Variants in VSIG2 observed in about 807,000 individuals in gnomAD.
VSIG2 encodes V-set and immunoglobulin domain containing 2.
Under a neutral mutation model 29.4 loss-of-function variants are expected in VSIG2, and 30 were observed. That is an observed-to-expected ratio of 1.02 (90% CI 0.76 to 1.38). The LOEUF is 1.38. Ranked by LOEUF, VSIG2 falls within the 40% of genes most tolerant of loss-of-function variation. The pLI is 0.00. For synonymous variants in VSIG2, 178 were observed against 174.2 expected (o/e 1.02, Z -0.17); for missense variants, 421 against 400.8 (o/e 1.05, Z -0.43).
At chr11:124,751,672 G>T in intron 1 of VSIG2, 92 bp from the exon 2 acceptor site, 1 of 1,350,700 alleles carries the variant, frequency 7.4e-7, no homozygotes, top group Non-Finnish European at 9.8e-7. Flanking sequence ...GGAAGCTGGG[G>T]GCTCCCTCCC....
At chr11:124,751,954 A>C in intron 1 of VSIG2, 123 bp downstream of exon 1, 2 of 1,174,898 alleles carry the variant, frequency 1.7e-6, no homozygotes, top group Non-Finnish European at 2.3e-6. Flanking sequence ...CAGGCGCCTT[A>C]GGGCCCCTGG....
Position 124,748,742 on chromosome 11 carries a change from A to C in VSIG2, c.608T>G (p.Ile203Ser). The C allele has an allele frequency of 6.2e-7, 1 of 1,614,210 alleles. No homozygotes were observed. The highest frequency in any genetic ancestry group is 1.1e-5 in the South Asian group (1 of 91,082). ...GGAGGTCAGGGAGAGGTTGGTGAGA[A>C]TGAGCTGGCCAGACACCTCATCTAG... ...MVQDEVSGQLILTNLSLTSSG... is the reference protein window; with the variant it reads ...MVQDEVSGQLSLTNLSLTSSG... The change falls in exon 5 of 7, where the codon ATT (isoleucine) becomes AGT (serine). Residue 203 changes from isoleucine to serine, a missense_variant. Transcript: ENST00000326621.
Position 124,747,487 on chromosome 11 carries a change from C to G in VSIG2, c.*48G>C. 1 of 1,580,330 alleles carries G rather than the reference C, an allele frequency of 6.3e-7. No individual in the cohort carries two copies. Among genetic ancestry groups the G allele is most frequent in the East Asian group, 2.3e-5 (1 of 44,376 alleles). ...AAGGAGACAGTATGGTACCCACAGA[C>G]TTTAATTATTGATATTCCCCCTCAC... On this transcript the variant is annotated 3_prime_UTR_variant, in exon 7 of 7. Transcript: ENST00000326621.
chr11:124,748,055 G>A, intron 6 of VSIG2: 1 of 353,650 alleles, frequency 2.8e-6, no homozygotes, highest in Non-Finnish European at 5.1e-6. Flanking sequence ...CCATTTCCTG[G>A]CATCTACAAG....
At position 124,748,657 on chromosome 11, in the gene VSIG2, G is replaced by A. The variant is rs768327242; in HGVS notation, c.693C>T (p.Thr231=). The A allele has an allele frequency of 1.9e-6, 3 of 1,613,574 alleles. No individual in the cohort carries two copies. Among genetic ancestry groups the A allele is most frequent in the Non-Finnish European group, 2.5e-6 (3 of 1,179,672 alleles). The part of the protein sequence containing the change: ...NQMGSASCEL[T]LSVTEPSQGR... The stretch of plus-strand genomic sequence containing the variant: ...CAGCATCCCTACCGGTCACAGAGAG[G>A]GTCAGCTCACAGGATGCACTGCCCA... Residue 231 remains threonine, a synonymous_variant, in exon 5 of 7, where the codon ACC becomes ACT. Transcript: ENST00000326621.
chr11:124,748,802 C>T, intron 4 of VSIG2, 39 bp from the exon 5 acceptor site: 1 of 1,614,022 alleles, frequency 6.2e-7, no homozygotes. Flanking sequence ...ACTCATTCAA[C>T]TCAGTGAGCA....
rs1239299716 is a variant in VSIG2 at position 124,751,412 on chromosome 11, T to C, written c.219+11A>G. On this transcript the variant is annotated intron_variant, in intron 2 of 6. Coordinates refer to ENST00000326621, the MANE Select transcript of VSIG2 (RefSeq NM_014312.5). ...GGCCAACCCAGCTTCATGCAGTCGCTCTCAGCTCACTGGATGGGACTCAGA... is the reference window on the plus strand; with the variant it reads ...GGCCAACCCAGCTTCATGCAGTCGCCCTCAGCTCACTGGATGGGACTCAGA... 6.2e-7 allele frequency: 1 copy of C among 1,610,656 alleles called. No homozygotes were observed. Among genetic ancestry groups the C allele is most frequent in the Admixed American group, 1.7e-5 (1 of 60,008 alleles).
rs1944055843 is a variant in VSIG2, at chr11:124,749,612, C to G, written c.586+96G>C. ...AAAGGTATAGTGGTTTGTGTCATACCCCTAGTCATGGAACGGATAATACGG... is the reference window on the plus strand; with the variant it reads ...AAAGGTATAGTGGTTTGTGTCATACGCCTAGTCATGGAACGGATAATACGG... On this transcript the variant is annotated intron_variant, in intron 4 of 6. Coordinates refer to ENST00000326621, the MANE Select transcript of VSIG2 (RefSeq NM_014312.5). 20 of 1,493,554 alleles carry G rather than the reference C, an allele frequency of 1.3e-5. No individual in the cohort carries two copies. The Admixed American group carries it at 4.2e-4, about 31-fold the overall frequency. The allele number at this position is 1,493,554 out of a possible 1,614,324, so 92.5% of individuals were successfully genotyped here.
intron 2 of VSIG2, among the ~76,000 whole-genome samples, chr11:124,751,211 T>G (rs1443724536): frequency 1.3e-5 from 2 of 151,994 alleles, no homozygotes; most frequent in African/African-American, 2.4e-5. Context: ...ATGGATACAC[T>G]AAGGCAGGGG....
Sources: allele counts gnomAD v4.1 joint callset (sites outside exome capture counted in the v4.1 genomes callset), GRCh38; gene constraint gnomAD v4.1.1; transcripts MANE v1.5; gene names NCBI Gene and HGNC (gene_info 2026-07-23, HGNC 2026-07-21).